The following CUX1 variants were observed in gnomAD, a reference collection of about 807,000 sequenced individuals.
The protein encoded by CUX1 is protein CASP.
A neutral mutation model predicts 158.8 loss-of-function variants in CUX1; 31 were observed. The ratio of observed to expected loss-of-function variants is 0.20; its 90% confidence interval spans 0.15 to 0.26. The LOEUF is 0.26. CUX1 is among the 10% of genes least tolerant of loss of function. The pLI, the probability that CUX1 is intolerant of heterozygous loss-of-function variation, is 1.00. For missense variants in CUX1, 1,589 were observed against 2,014.6 expected, an observed-to-expected ratio of 0.79 and a Z score of 4.04; for synonymous variants, 879 against 862.1, an observed-to-expected ratio of 1.02 and a Z score of -0.34.
chr7:101,851,668 T>A (rs1796279249), intron 1 of CUX1, among the ~76,000 whole-genome samples: 1 of 152,170 alleles, frequency 6.6e-6, no homozygotes, highest in African/African-American at 2.4e-5. Context: ...CTTGTAGAGT[T>A]GTCTTTTTCT....
At chr7:101,942,819 T>G (rs1285937504) in intron 2 of CUX1, among the ~76,000 whole-genome samples, 1 of 152,210 alleles carries the variant, frequency 6.6e-6, no homozygotes, top group East Asian at 1.9e-4. Context: ...GCTCCAAGCC[T>G]TTGCCCCAGC....
At chr7:102,058,449 T>C (rs1012914374) in intron 3 of CUX1, among the ~76,000 whole-genome samples, 12 of 151,942 alleles carry the variant, frequency 7.9e-5, no homozygotes, top group African/African-American at 2.9e-4. Context: ...TAATTTTTTT[T>C]TTTTTGTATT....
intron 3 of CUX1, among the ~76,000 whole-genome samples, chr7:102,029,127 A>G (rs1820416198): frequency 6.6e-6 from 1 of 151,364 alleles, no homozygotes; most frequent in African/African-American, 2.4e-5. Flanking sequence ...CCAGCAAATG[A>G]GATTGCAGGT....
At chr7:102,030,691 G>GTTTTTTTTTTTTTTTTTTTTTTT (rs71119801) in intron 3 of CUX1, among the ~76,000 whole-genome samples, 4 of 119,384 alleles carry the variant, frequency 3.4e-5, no homozygotes, top group African/African-American at 1.2e-4. Flanking sequence ...TTTAAAAAGT[G>GTTTTTTTTTTTTTTTTTTTTTTT]TTTTTTTTTT....
At chr7:101,990,787 G>A (rs1475158207) in intron 2 of CUX1, among the ~76,000 whole-genome samples, 3 of 152,142 alleles carry the variant, frequency 2.0e-5, no homozygotes, top group African/African-American at 7.2e-5. Context: ...ATGAGCCCAG[G>A]GTTCTCCTAC....
At chr7:102,068,219 G>A (rs1157443318) in intron 3 of CUX1, among the ~76,000 whole-genome samples, 1 of 151,712 alleles carries the variant, frequency 6.6e-6, no homozygotes, top group African/African-American at 2.4e-5. Flanking sequence ...AGCCTCCCAA[G>A]TAGCTGGTAT....
chr7:101,865,835 G>A (rs1026437868), intron 1 of CUX1, among the ~76,000 whole-genome samples: 1 of 152,186 alleles, frequency 6.6e-6, no homozygotes, highest in Non-Finnish European at 1.5e-5. Flanking sequence ...TGACTGCACC[G>A]GCCCTCATGG....
chr7:102,193,223 C>A (rs1210397709), intron 12 of CUX1, among the ~76,000 whole-genome samples: 2 of 152,226 alleles, frequency 1.3e-5, no homozygotes, highest in African/African-American at 4.8e-5. Context: ...CTCCTTACAA[C>A]TTTTTCCTTC....
At chr7:102,124,673 G>A (rs758421849) in intron 8 of CUX1, among the ~76,000 whole-genome samples, 33 of 152,168 alleles carry the variant, frequency 2.2e-4, no homozygotes, top group Non-Finnish European at 4.6e-4. Flanking sequence ...GTGAGGAGAG[G>A]TTGGTTAAAT....
rs782504557 is a variant in CUX1, at chr7:102,201,409, C to A, written c.2112C>A (p.Asp704Glu). The change falls in exon 18 of 24, where the codon GAC becomes GAA. Residue 704 changes from aspartate to glutamate, a missense_variant. This residue lies in a region of CUX1 where 337 missense variants were observed against 409.3 expected (regional missense o/e 0.82). Coordinates refer to ENST00000292535, the MANE Select transcript of CUX1 (RefSeq NM_181552.4). The surrounding 1 kb of genome is among the most constrained non-coding windows in gnomAD (Gnocchi z 5.0). ...CATCCGGCAGCGGGAACTCTGATGA[C>A]GCCATCCGCTCCATCCTGCAGCAAG... ...SSASGSGNSDDAIRSILQQAR... is the reference protein window; with the variant it reads ...SSASGSGNSDEAIRSILQQAR... The A allele has an allele frequency of 3.1e-6, 5 of 1,613,914 alleles. No homozygotes were observed. Among genetic ancestry groups the A allele is most frequent in the Admixed American group, 1.7e-5 (1 of 60,004 alleles).
intron 20 of CUX1, among the ~76,000 whole-genome samples, chr7:102,210,570 G>A (rs1040051647): frequency 7.9e-5 from 12 of 152,290 alleles, no homozygotes; most frequent in South Asian, 6.2e-4. Flanking sequence ...AAGCTGTTAC[G>A]TCTGCATTCA....
Position 102,253,172 on chromosome 7 carries a change from C to T in CUX1, c.*4130C>T, listed in dbSNP as rs1285484364. 3 of 985,382 alleles carry T rather than the reference C, an allele frequency of 3.0e-6. No homozygotes were observed. Among genetic ancestry groups the T allele is most frequent in the African/African-American group, 1.7e-5 (1 of 57,230 alleles). 61.0% of individuals were successfully genotyped at this position (985,382 alleles called of 1,614,324 possible). A position where few individuals can be genotyped will look rare whatever the true frequency, so the allele number is the denominator to read the frequency against. ...GAAAAACCATCCTGTCTGATGTGGA[C>T]GTTCAGGTCTGCTGGTTGGCGGTCC... On this transcript the variant is annotated 3_prime_UTR_variant, in exon 24 of 24. Transcript: ENST00000292535.
intron 14 of CUX1, among the ~76,000 whole-genome samples, chr7:102,271,415 A>G (rs1791203993): frequency 6.6e-6 from 1 of 151,940 alleles, no homozygotes; most frequent in Admixed American, 6.6e-5. Context: ...CTCTCCCTAC[A>G]TCTCACAACC....
intron 21 of CUX1, among the ~76,000 whole-genome samples, chr7:102,230,137 G>C (rs1294294015): frequency 6.6e-6 from 1 of 152,270 alleles, no homozygotes; most frequent in South Asian, 2.1e-4. Flanking sequence ...GAAAGGCCTT[G>C]TGTGTCTTTT....
intron 8 of CUX1, chr7:102,154,251 G>A (rs1386560072): frequency 6.6e-6 from 1 of 152,156 alleles, no homozygotes; most frequent in Non-Finnish European, 1.5e-5. Context: ...ATGTTAGAAA[G>A]AAAAGAAAAT....
chr7:102,041,947 T>A (rs1298253403), intron 3 of CUX1, among the ~76,000 whole-genome samples: 1 of 152,134 alleles, frequency 6.6e-6, no homozygotes, highest in African/African-American at 2.4e-5. Flanking sequence ...CTCTCCCTTT[T>A]GGTTTTGAGC....
At position 102,252,773 on chromosome 7, in the gene CUX1, G is replaced by A. The variant is rs891730217; in HGVS notation, c.*3731G>A. Reference sequence around the variant, plus strand: ...CCTGGTAACCTCCTCTTGAACTTCTGTATCAGTGAAGACATCTGTGGTTTC... The same window carrying A: ...CCTGGTAACCTCCTCTTGAACTTCTATATCAGTGAAGACATCTGTGGTTTC... On this transcript the variant is annotated 3_prime_UTR_variant, in exon 24 of 24. Transcript: ENST00000292535. The A allele has an allele frequency of 2.0e-6, 2 of 985,376 alleles. No homozygotes were observed. Among genetic ancestry groups the A allele is most frequent in the Admixed American group, 6.2e-5 (1 of 16,256 alleles). The allele number at this position is 985,376 out of a possible 1,614,324, so 61.0% of individuals were successfully genotyped here.
intron 2 of CUX1, among the ~76,000 whole-genome samples, chr7:102,024,349 CAG>C (rs1330110349): frequency 6.6e-6 from 1 of 152,244 alleles, no homozygotes; most frequent in African/African-American, 2.4e-5. Context: ...TTCTTTGAGA[CAG>C]AGTCTCACTC....
chr7:102,202,305 A>G, intron 18 of CUX1, 101 bp downstream of exon 18: 1 of 1,465,966 alleles, frequency 6.8e-7, no homozygotes, highest in Non-Finnish European at 9.1e-7. Flanking sequence ...ATTTCAATTC[A>G]CCCAAGAGCA....
Sources: gnomAD v4.1 joint callset for allele counts (sites outside exome capture counted in the v4.1 genomes callset) on GRCh38, gnomAD v4.1.1 for gene constraint, gnomAD v4.1.1 regional missense constraint, Gnocchi (gnomAD v3.1) non-coding constraint, MANE v1.5 for transcripts, NCBI Gene and HGNC (gene_info 2026-07-23, HGNC 2026-07-21) for gene names.